RYR2: variants seen among roughly 807,000 people sequenced by gnomAD.
RYR2 encodes the protein ryanodine receptor 2, also known as cardiac muscle ryanodine receptor-calcium release channel.
In RYR2, 227 loss-of-function variants were observed where a neutral mutation model predicts 601.1. The ratio of observed to expected loss-of-function variants is 0.38; its 90% CI spans 0.34 to 0.42. The LOEUF is 0.42. RYR2 is among the 10% of genes least tolerant of loss of function. The pLI is 1.00. For synonymous variants in RYR2, 2,223 were observed against 2,175.1 expected (o/e 1.02, Z -0.61); for missense variants, 4,646 against 6,156.5 (o/e 0.75, Z 8.21).
At chr1:237,559,610 TA>T (rs1185524430) in intron 27 of RYR2, among the ~76,000 whole-genome samples, 3 of 152,210 alleles carry the variant, frequency 2.0e-5, no homozygotes, top group Admixed American at 6.5e-5. Flanking sequence ...TTAAAATACC[TA>T]ACTTAAAGTC....
chr1:237,448,207 G>C (rs1420563733), intron 14 of RYR2, among the ~76,000 whole-genome samples: 1 of 152,086 alleles, frequency 6.6e-6, no homozygotes, highest in African/African-American at 2.4e-5. Context: ...GATTACAGGC[G>C]TGAGGCACCA....
intron 79 of RYR2, 121 bp downstream of exon 79, chr1:237,733,877 C>T (rs1690909350): frequency 1.4e-6 from 1 of 719,326 alleles, no homozygotes; most frequent in Non-Finnish European, 2.4e-6. Flanking sequence ...TAGCATGAAT[C>T]TCCGTTCTAA....
chr1:237,748,265 G>A (rs1692247960), intron 80 of RYR2, among the ~76,000 whole-genome samples: 1 of 151,734 alleles, frequency 6.6e-6, no homozygotes, highest in South Asian at 2.1e-4. Flanking sequence ...GATGCCTCCT[G>A]AGAGACCATA....
At position 237,784,593 on chromosome 1, in the gene RYR2, T is replaced by A; in HGVS notation, c.12881T>A (p.Leu4294His). ...FSSYWSIFMTLLHFVASVFRG... is the reference protein window; with the variant it reads ...FSSYWSIFMTHLHFVASVFRG... ...TCCTACTGGAGTATTTTCATGACCC[T>A]CTTGCACTTCGTGGCCAGCGTTTTC... Residue 4294 changes from leucine to histidine, a missense_variant, in exon 90 of 105, where the codon CTC becomes CAC. This residue lies in a region of RYR2 where 364 missense variants were observed against 442.9 expected (regional missense o/e 0.82). Transcript: ENST00000366574. The surrounding 1 kb of genome is among the most constrained non-coding windows in gnomAD (Gnocchi z 7.1). The A allele has an allele frequency of 6.2e-7, 1 of 1,613,950 alleles. No homozygotes were observed. The highest frequency in any genetic ancestry group is 8.5e-7 in the Non-Finnish European group (1 of 1,179,868).
Position 237,610,645 on chromosome 1 carries a change from G to A in RYR2, c.4684-117G>A. 2 of 806,638 alleles carry A rather than the reference G, an allele frequency of 2.5e-6. No homozygotes were observed. Among genetic ancestry groups the A allele is most frequent in the Non-Finnish European group, 3.9e-6 (2 of 517,548 alleles). 50.0% of individuals were successfully genotyped at this position (806,638 alleles called of 1,614,324 possible). ...ATGATTTCTTGTGTTGACTTTGCTT[G>A]ACTCATAGGGTTATCTTACTTTCCC... On this transcript the variant is annotated intron_variant, in intron 35 of 104. Coordinates refer to ENST00000366574, the MANE Select transcript of RYR2 (RefSeq NM_001035.3). The surrounding 1 kb of genome is among the most constrained non-coding windows in gnomAD (Gnocchi z 4.9).
chr1:237,517,635 T>TAA (rs35575473), intron 24 of RYR2, among the ~76,000 whole-genome samples: 1 of 142,870 alleles, frequency 7.0e-6, no homozygotes. Flanking sequence ...GAACTATAAT[T>TAA]AAAAAAAAAA....
At chr1:237,051,224 C>CT (rs1192346625) in intron 1 of RYR2, among the ~76,000 whole-genome samples, 18 of 110,568 alleles carry the variant, frequency 1.6e-4, no homozygotes, top group African/African-American at 5.8e-4. Context: ...TCTCCCCCCC[C>CT]TTCCTCCCCT....
intron 8 of RYR2, 125 bp from the exon 9 acceptor site, chr1:237,387,156 G>T (rs1702013408): frequency 1.2e-6 from 1 of 818,784 alleles, no homozygotes; most frequent in Non-Finnish European, 2.1e-6. Context: ...TGAATGACAG[G>T]TTGAAACAGA....
intron 1 of RYR2, among the ~76,000 whole-genome samples, chr1:237,109,346 T>G (rs1433150888): frequency 7.0e-5 from 2 of 28,718 alleles, no homozygotes; most frequent in African/African-American, 1.1e-4. Flanking sequence ...GTAAAGCTGG[T>G]TTTTTTTTTA....
chr1:237,798,051 T>G lies in RYR2; in HGVS notation c.13971T>G (p.Tyr4657Ter). The change falls in exon 97 of 105, where the codon TAT becomes TAG. Residue 4657 changes from tyrosine (Y) to a stop codon, truncating the protein, a stop_gained. Coordinates refer to ENST00000366574, the MANE Select transcript of RYR2 (RefSeq NM_001035.3). LOFTEE classifies it high-confidence loss of function. ...CATACCCCAAGGTTATGGATAAATA[T>G]GGAGAGTTCTACGGCCGAGACAGAA... ...KFVKRKVMDK[Y>*]GEFYGRDRIS... The G allele has an allele frequency of 6.2e-7, 1 of 1,610,734 alleles. No individual in the cohort carries two copies. Among genetic ancestry groups the G allele is most frequent in the Non-Finnish European group, 8.5e-7 (1 of 1,178,398 alleles).
chr1:237,102,285 G>C (rs948554570), intron 1 of RYR2, among the ~76,000 whole-genome samples: 58 of 152,288 alleles, frequency 3.8e-4, no homozygotes, highest in African/African-American at 1.4e-3. Flanking sequence ...GTTTACAGGC[G>C]AGGTGCTGGT....
chr1:237,778,452 A>T (rs1694837071), intron 87 of RYR2, among the ~76,000 whole-genome samples: 2 of 151,726 alleles, frequency 1.3e-5, no homozygotes, highest in Admixed American at 6.6e-5. Context: ...TTTTTTTGGA[A>T]TATATTAAAT....
At chr1:237,225,301 C>G (rs191199496) in intron 1 of RYR2, among the ~76,000 whole-genome samples, 1 of 152,234 alleles carries the variant, frequency 6.6e-6, no homozygotes, top group East Asian at 1.9e-4. Flanking sequence ...CTGTATTCGT[C>G]CGTTTTCGCG....
chr1:237,820,204 AAAAG>A (rs1418008720), intron 101 of RYR2, among the ~76,000 whole-genome samples: 1 of 151,256 alleles, frequency 6.6e-6, no homozygotes, highest in Admixed American at 6.6e-5. Context: ...AAAAAAAAAA[AAAAG>A]GTGGGGGAGG....
At chr1:237,250,019 C>A (rs192499492) in intron 1 of RYR2, among the ~76,000 whole-genome samples, 48 of 152,252 alleles carry the variant, frequency 3.2e-4, no homozygotes, top group African/African-American at 1.1e-3. Flanking sequence ...ACACTTTGAT[C>A]CTGTAGAAAT....
intron 3 of RYR2, 22 bp from the exon 4 acceptor site, chr1:237,355,943 T>C (rs1490428333): frequency 6.3e-7 from 1 of 1,591,100 alleles, no homozygotes; most frequent in Non-Finnish European, 8.6e-7. Flanking sequence ...TTGTTATTTA[T>C]TTTGGCTTTT....
chr1:237,597,699 T>C lies in RYR2; in HGVS notation c.4596+2042T>C, dbSNP rs935619855. On this transcript the variant is annotated intron_variant, in intron 34 of 104. Coordinates refer to ENST00000366574, the MANE Select transcript of RYR2 (RefSeq NM_001035.3). ...GAAAAAATTGCAGCAGTCACACTAATGAGAAAGGGAAAGGTATCAAAGCTT... is the reference window on the plus strand; with the variant it reads ...GAAAAAATTGCAGCAGTCACACTAACGAGAAAGGGAAAGGTATCAAAGCTT... Among the ~76,000 whole-genome samples, 7 of 151,522 alleles carry C rather than the reference T, an allele frequency of 4.6e-5. No individual in the cohort carries two copies. In the East Asian group the frequency reaches 1.4e-3, roughly 29 times the overall value.
intron 1 of RYR2, among the ~76,000 whole-genome samples, chr1:237,255,783 T>C (rs367719993): frequency 6.6e-6 from 1 of 152,272 alleles, no homozygotes; most frequent in East Asian, 1.9e-4. Context: ...TGCAGGATTG[T>C]ATCTGCATCC....
intron 1 of RYR2, among the ~76,000 whole-genome samples, chr1:237,121,985 G>T (rs1670834447): frequency 6.6e-6 from 1 of 152,214 alleles, no homozygotes; most frequent in Non-Finnish European, 1.5e-5. Flanking sequence ...TGAAAATACT[G>T]GTTGGTGATT....
Sources: allele counts gnomAD v4.1 joint callset (sites outside exome capture counted in the v4.1 genomes callset), GRCh38; gene constraint gnomAD v4.1.1; regional missense constraint gnomAD v4.1.1; non-coding constraint Gnocchi (gnomAD v3.1); transcripts MANE v1.5; gene names NCBI Gene and HGNC (gene_info 2026-07-23, HGNC 2026-07-21).